COL4A6: variants seen among roughly 807,000 people sequenced by gnomAD.
COL4A6 encodes collagen alpha-6(IV) chain.
In COL4A6, 59 loss-of-function variants were observed where a neutral mutation model predicts 126.7. The ratio of observed to expected loss-of-function variants is 0.47; its 90% CI spans 0.38 to 0.58. The LOEUF (loss-of-function observed/expected upper bound fraction) is 0.58. Ranked by LOEUF, COL4A6 falls within the 20% of genes least tolerant of loss-of-function variation. The probability of loss-of-function intolerance (pLI) is 0.00; values close to 1 mark genes in which losing one functional copy is unlikely to be tolerated. For missense variants in COL4A6, 1,285 were observed against 1,337.3 expected (o/e 0.96, Z 0.61); for synonymous variants, 547 against 496.6 (o/e 1.10, Z -1.35).
chrX:108,173,210 C>T (rs1173346273), intron 31 of COL4A6, among the ~76,000 whole-genome samples: 1 of 111,914 alleles, frequency 8.9e-6, no homozygotes, highest in East Asian at 2.8e-4. Context: ...ATTTATGCCA[C>T]TTAGTGCTTT....
intron 2 of COL4A6, among the ~76,000 whole-genome samples, chrX:108,428,039 G>A (rs1311843749): frequency 9.0e-6 from 1 of 111,259 alleles, no homozygotes; most frequent in African/African-American, 3.3e-5. Context: ...GAGATGAGGG[G>A]GACAACTGAG....
At chrX:108,248,234 T>C (rs946356371) in intron 3 of COL4A6, among the ~76,000 whole-genome samples, 3 of 111,904 alleles carry the variant, frequency 2.7e-5, no homozygotes, top group African/African-American at 9.7e-5. Context: ...ATACAGTATA[T>C]GAATATACAT....
intron 2 of COL4A6, among the ~76,000 whole-genome samples, chrX:108,379,359 C>T (rs1189185420): frequency 9.1e-6 from 1 of 109,871 alleles, no homozygotes; most frequent in East Asian, 2.8e-4. Flanking sequence ...AAGCTATCCT[C>T]CCACCTCAGT....
intron 32 of COL4A6, 72 bp from the exon 33 acceptor site, chrX:108,171,533 G>T: frequency 1.1e-6 from 1 of 922,554 alleles, no homozygotes; most frequent in Non-Finnish European, 1.5e-6. Context: ...GAGATCTTTT[G>T]AACACATTTT....
chrX:108,209,483 A>G (rs1453739898), intron 8 of COL4A6, among the ~76,000 whole-genome samples: 9 of 111,431 alleles, frequency 8.1e-5, no homozygotes, highest in Non-Finnish European at 1.5e-4. Flanking sequence ...AGCTGTTTCA[A>G]AAAAAAAGTG....
chrX:108,366,992 C>A (rs2040213465), intron 2 of COL4A6, among the ~76,000 whole-genome samples: 1 of 111,985 alleles, frequency 8.9e-6, no homozygotes, highest in African/African-American at 3.2e-5. Flanking sequence ...AATACTTTTT[C>A]TAGAAAGGAG....
intron 31 of COL4A6, 88 bp downstream of exon 31, chrX:108,174,352 T>A (rs992962425): frequency 1.4e-5 from 13 of 962,856 alleles, no homozygotes; most frequent in Non-Finnish European, 1.8e-5. Context: ...AGAAGTAAGC[T>A]GGGATCAGAG....
chrX:108,436,892 G>A (rs967025482), intron 2 of COL4A6, among the ~76,000 whole-genome samples: 3 of 111,170 alleles, frequency 2.7e-5, no homozygotes, highest in African/African-American at 9.8e-5. Context: ...AATTACGTAT[G>A]GCCCTATAAT....
At position 108,384,503 on chromosome X, in the gene COL4A6, C is replaced by T. The variant is rs181879114; in HGVS notation, c.63+53439G>A. Among the ~76,000 whole-genome samples the T allele has an allele frequency of 4.4e-3, 492 of 111,948 alleles. 1 individual carries two copies. The highest frequency in any genetic ancestry group is 7.9e-3 in the Non-Finnish European group (419 of 53,179). ...AAATCTCTGAGTTAATTCCAGTTTA[C>T]GTGCAGTTACTAATGTAAACTGGTT... On this transcript the variant is annotated intron_variant, in intron 2 of 44. Coordinates refer to ENST00000334504, the MANE Select transcript of COL4A6 (RefSeq NM_033641.4).
intron 3 of COL4A6, among the ~76,000 whole-genome samples, chrX:108,273,673 C>G (rs1412626206): frequency 1.8e-5 from 2 of 111,869 alleles, no homozygotes; most frequent in African/African-American, 6.5e-5. Flanking sequence ...GAGTTCATGT[C>G]CTTTGTAGGG....
chrX:108,246,449 G>A (rs1046480049), intron 3 of COL4A6, among the ~76,000 whole-genome samples: 6 of 111,987 alleles, frequency 5.4e-5, no homozygotes, highest in African/African-American at 1.9e-4. Context: ...CTCTGTTACA[G>A]CTACTTAACT....
chrX:108,357,883 A>G (rs2039993900), intron 2 of COL4A6, among the ~76,000 whole-genome samples: 1 of 111,555 alleles, frequency 9.0e-6, no homozygotes, highest in African/African-American at 3.3e-5. Flanking sequence ...CCAGATAGGA[A>G]GGCATTTTAT....
chrX:108,217,117 C>A (rs374734870), intron 5 of COL4A6, among the ~76,000 whole-genome samples: 41 of 111,993 alleles, frequency 3.7e-4, no homozygotes, highest in African/African-American at 1.2e-3. Flanking sequence ...AGTTGCTGTG[C>A]CCTTTAGTGC....
Position 108,169,951 on chromosome X carries a change from T to A in COL4A6, c.3559A>T (p.Thr1187Ser). The part of the protein sequence containing the change: ...GLPGTKGTHG[T>S]PGPSITGVPG... The stretch of plus-strand genomic sequence containing the variant: ...CCCTGAGGGTCTTCCTAACCTGGAG[T>A]GCCATGGGTACCCTTGGTGCCCGGA... The change falls in exon 36 of 45, where the codon ACT (threonine) becomes TCT (serine). Residue 1187 changes from threonine to serine, a missense_variant. Thr to Ser is a moderately conservative substitution (Grantham distance 58, BLOSUM62 1). Transcript: ENST00000334504. 8.4e-7 allele frequency: 1 copy of A among 1,185,475 alleles called. No homozygotes were observed. The highest frequency in any genetic ancestry group is 1.9e-5 in the South Asian group (1 of 53,885).
intron 2 of COL4A6, among the ~76,000 whole-genome samples, chrX:108,335,685 T>C (rs1235592467): frequency 9.0e-6 from 1 of 110,718 alleles, no homozygotes; most frequent in Admixed American, 9.6e-5. Flanking sequence ...GGTTAAGAAA[T>C]GAGGGTAGAT....
In COL4A6 at chrX:108,438,306, A is replaced by G; in HGVS notation, c.-110T>C. ...GAGGCTGTTTCCTTACTCAGAACAG[A>G]GTAGGTGGACGAAGTGGCCCAGTTT... On this transcript the variant is annotated 5_prime_UTR_variant, in exon 1 of 45. Transcript: ENST00000334504. The G allele has an allele frequency of 2.7e-6, 3 of 1,104,534 alleles. No homozygotes were observed. In the Admixed American group the frequency reaches 1.1e-4, roughly 41 times the overall value. The allele number at this position is 1,104,534 out of a possible 1,213,427, so 91.0% of individuals were successfully genotyped here.
intron 2 of COL4A6, among the ~76,000 whole-genome samples, chrX:108,425,427 G>A (rs766181271): frequency 9.1e-6 from 1 of 110,386 alleles, no homozygotes; most frequent in Non-Finnish European, 1.9e-5. Context: ...AAATAAACTG[G>A]AGATTAAGAC....
At chrX:108,366,515 G>T (rs1457460879) in intron 2 of COL4A6, among the ~76,000 whole-genome samples, 2 of 111,840 alleles carry the variant, frequency 1.8e-5, no homozygotes, top group Non-Finnish European at 3.8e-5. Flanking sequence ...GACCCAAAAG[G>T]CTATTAATTT....
At chrX:108,163,312 A>C in intron 40 of COL4A6, 1 of 276,369 alleles carries the variant, frequency 3.6e-6, no homozygotes, top group East Asian at 7.3e-5. Flanking sequence ...GGTGACAGGC[A>C]GTCCAGAAGC....
Sources: gnomAD v4.1 joint callset for allele counts (sites outside exome capture counted in the v4.1 genomes callset) on GRCh38, gnomAD v4.1.1 for gene constraint, MANE v1.5 for transcripts, NCBI Gene and HGNC (gene_info 2026-07-23, HGNC 2026-07-21) for gene names.